THRB: variants seen among roughly 807,000 people sequenced by gnomAD.
The protein encoded by THRB is thyroid hormone receptor beta, also known as nuclear receptor subfamily 1 group A member 2.
In THRB, 12 loss-of-function variants were observed where a neutral mutation model predicts 47.8. The observed-to-expected ratio is 0.25, with a 90% CI of 0.16 to 0.41. THRB has a LOEUF of 0.41. Ranked by LOEUF, THRB falls within the 10% of genes least tolerant of loss-of-function variation. THRB has a pLI of 1.00. For missense variants in THRB, 348 were observed against 589.2 expected (o/e 0.59, Z 4.24); for synonymous variants, 218 against 212.2 (o/e 1.03, Z -0.24).
At chr3:24,208,387 C>T (rs1386471874) in intron 4 of THRB, among the ~76,000 whole-genome samples, 1 of 152,182 alleles carries the variant, frequency 6.6e-6, no homozygotes, top group Non-Finnish European at 1.5e-5. Flanking sequence ...GCCCGCATTG[C>T]CAAGACAATC....
chr3:24,405,920 A>G (rs1175177490), intron 1 of THRB, among the ~76,000 whole-genome samples: 1 of 151,616 alleles, frequency 6.6e-6, no homozygotes, highest in Non-Finnish European at 1.5e-5. Context: ...TATATATTTT[A>G]AAGTGGTCTT....
At chr3:24,368,959 T>C (rs2064703930) in intron 1 of THRB, among the ~76,000 whole-genome samples, 1 of 152,204 alleles carries the variant, frequency 6.6e-6, no homozygotes, top group Non-Finnish European at 1.5e-5. Context: ...AGTGATCATA[T>C]ATTACTTGTT....
intron 5 of THRB, among the ~76,000 whole-genome samples, chr3:24,166,288 G>A (rs2039635228): frequency 6.6e-6 from 1 of 152,108 alleles, no homozygotes; most frequent in Non-Finnish European, 1.5e-5. Flanking sequence ...CCCTATATGA[G>A]GAATACCCCT....
intron 2 of THRB, among the ~76,000 whole-genome samples, chr3:24,306,785 G>A (rs970643818): frequency 1.3e-5 from 2 of 152,192 alleles, no homozygotes; most frequent in Non-Finnish European, 2.9e-5. Context: ...ACCACGTACG[G>A]TTGGAGTTTG....
At chr3:24,487,351 C>G (rs866007839) in intron 1 of THRB, among the ~76,000 whole-genome samples, 2 of 151,816 alleles carry the variant, frequency 1.3e-5, no homozygotes, top group Non-Finnish European at 2.9e-5. Context: ...CAAGCACACA[C>G]ACACACACAC....
chr3:24,428,291 G>C (rs1040020812), intron 1 of THRB, among the ~76,000 whole-genome samples: 3 of 151,964 alleles, frequency 2.0e-5, no homozygotes, highest in African/African-American at 7.2e-5. Flanking sequence ...TTGACACATT[G>C]GACAGTGTTG....
chr3:24,297,126 A>C (rs569040148), intron 3 of THRB, 100 bp downstream of exon 3: 2 of 152,382 alleles, frequency 1.3e-5, no homozygotes, highest in Admixed American at 1.3e-4. Context: ...CAATGAATTA[A>C]TAAGAAGTGT....
chr3:24,323,279 C>T (rs2058604035), intron 2 of THRB, among the ~76,000 whole-genome samples: 1 of 150,062 alleles, frequency 6.7e-6, no homozygotes, highest in African/African-American at 2.5e-5. Context: ...AGCAGCATTT[C>T]TGCCCTTTAA....
chr3:24,330,787 C>T (rs575256877), intron 2 of THRB, among the ~76,000 whole-genome samples: 10 of 152,296 alleles, frequency 6.6e-5, no homozygotes, highest in Non-Finnish European at 1.3e-4. Flanking sequence ...ATAGAGCTCA[C>T]ATGAGCTTTA....
chr3:24,152,700 C>T (rs1031063696), intron 5 of THRB, among the ~76,000 whole-genome samples: 1 of 152,050 alleles, frequency 6.6e-6, no homozygotes, highest in Non-Finnish European at 1.5e-5. Context: ...ATAGCTCACA[C>T]CTATAATCCC....
intron 1 of THRB, among the ~76,000 whole-genome samples, chr3:24,442,966 A>T (rs906060045): frequency 7.2e-6 from 1 of 139,546 alleles, no homozygotes; most frequent in African/African-American, 2.5e-5. Context: ...GTGGATCACT[A>T]GGTCAGGAGA....
intron 2 of THRB, among the ~76,000 whole-genome samples, chr3:24,327,805 G>A (rs1359101327): frequency 1.3e-5 from 2 of 152,200 alleles, no homozygotes; most frequent in Non-Finnish European, 2.9e-5. Flanking sequence ...TGCAATAGGC[G>A]AGGGAGTGAG....
intron 1 of THRB, among the ~76,000 whole-genome samples, chr3:24,376,523 C>A (rs1049938317): frequency 2.0e-5 from 3 of 152,080 alleles, no homozygotes; most frequent in African/African-American, 7.2e-5. Flanking sequence ...GAGACCTACC[C>A]CAAACAGCTA....
At position 24,341,043 on chromosome 3, in the gene THRB, GA is replaced by G. The variant is rs373960535; in HGVS notation, c.-260-3673del. On this transcript the variant is annotated intron_variant, in intron 1 of 10. Transcript: ENST00000646209. Reference sequence around the variant, plus strand: ...CTACGTTGGTGGACATTTTTTTATTGACAAGCCATCACATTATATCTTCTAG... The same window carrying G: ...CTACGTTGGTGGACATTTTTTTATTGCAAGCCATCACATTATATCTTCTAG... 5.4e-4 allele frequency among the ~76,000 whole-genome samples: 81 copies of G among 150,392 alleles called. No homozygotes were observed. The East Asian group carries it at 9.0e-3, about 17-fold the overall frequency.
intron 1 of THRB, among the ~76,000 whole-genome samples, chr3:24,403,589 G>T (rs2067596223): frequency 6.6e-6 from 1 of 151,906 alleles, no homozygotes; most frequent in Admixed American, 6.6e-5. Context: ...CACGAATCAA[G>T]GTAGCGGCAG....
chr3:24,353,828 C>T (rs2063506457), intron 1 of THRB, among the ~76,000 whole-genome samples: 1 of 152,006 alleles, frequency 6.6e-6, no homozygotes, highest in South Asian at 2.1e-4. Context: ...AGCACATATG[C>T]ATAGCAAATT....
rs76332648 is a variant in THRB at position 24,365,469 on chromosome 3, T to C, written c.-260-28098A>G. ...CAACTTTAGTAACATGGCTGCTTTA[T>C]AAGGTCCCCGGGCAGTTCAATCTTT... On this transcript the variant is annotated intron_variant, in intron 1 of 10. Coordinates refer to ENST00000646209, the MANE Select transcript of THRB (RefSeq NM_001354712.2). Among the ~76,000 whole-genome samples, 295 of 152,324 alleles carry C rather than the reference T, an allele frequency of 1.9e-3. 8 individuals carry two copies. In the East Asian group the frequency reaches 0.049, roughly 25 times the overall value.
intron 1 of THRB, among the ~76,000 whole-genome samples, chr3:24,437,077 A>C (rs1224916695): frequency 6.7e-6 from 1 of 149,840 alleles, no homozygotes; most frequent in Admixed American, 6.7e-5. Flanking sequence ...TATATCATAT[A>C]TATATCATAA....
At chr3:24,487,197 G>A (rs1253948708) in intron 1 of THRB, among the ~76,000 whole-genome samples, 1 of 152,048 alleles carries the variant, frequency 6.6e-6, no homozygotes, top group Non-Finnish European at 1.5e-5. Flanking sequence ...CTGTTGTGGT[G>A]CTAGATACTG....
Sources: gnomAD v4.1 joint callset for allele counts (sites outside exome capture counted in the v4.1 genomes callset) on GRCh38, gnomAD v4.1.1 for gene constraint, MANE v1.5 for transcripts, NCBI Gene and HGNC (gene_info 2026-07-23, HGNC 2026-07-21) for gene names.